Variants in FAM199X observed in about 807,000 individuals in gnomAD.
The protein encoded by FAM199X is protein FAM199X.
In FAM199X, 4 loss-of-function variants were observed where a neutral mutation model predicts 22.9. The ratio of observed to expected loss-of-function variants is 0.17; its 90% CI spans 0.09 to 0.40. The LOEUF is 0.40. Ranked by LOEUF, FAM199X falls within the 10% of genes least tolerant of loss-of-function variation. FAM199X has a pLI of 1.00. For missense variants in FAM199X, 183 were observed against 306.8 expected, an observed-to-expected ratio of 0.60 and a Z score of 3.01; for synonymous variants, 101 against 112.3, an observed-to-expected ratio of 0.90 and a Z score of 0.64.
Position 104,189,988 on chromosome X carries a change from A to G in FAM199X, c.*210A>G. 1 of 379,620 alleles carries G rather than the reference A, an allele frequency of 2.6e-6. No individual in the cohort carries two copies. Among genetic ancestry groups the G allele is most frequent in the Non-Finnish European group, 4.5e-6 (1 of 221,927 alleles). 31.3% of individuals were successfully genotyped at this position (379,620 alleles called of 1,213,427 possible). ...ATGCATACTAGTGGGCCCCGCCCCC[A>G]GACATAGTGAATCAGAAACCAACAG... On this transcript the variant is annotated 3_prime_UTR_variant, in exon 6 of 6. Transcript: ENST00000493442.
intron 2 of FAM199X, among the ~76,000 whole-genome samples, chrX:104,179,120 T>C (rs975799292): frequency 3.6e-5 from 4 of 111,720 alleles, no homozygotes; most frequent in East Asian, 2.8e-4. Flanking sequence ...ACAGAGCTAT[T>C]TGGGGTCCTT....
chrX:104,189,035 T>A (rs1441555716), intron 5 of FAM199X, among the ~76,000 whole-genome samples: 3 of 111,983 alleles, frequency 2.7e-5, no homozygotes, highest in African/African-American at 9.8e-5. Context: ...TGCTAAGGAA[T>A]TTCTCTAGAT....
intron 2 of FAM199X, among the ~76,000 whole-genome samples, chrX:104,182,238 C>T (rs782304422): frequency 7.2e-5 from 8 of 110,606 alleles, no homozygotes; most frequent in African/African-American, 2.0e-4. Context: ...CTGTCCGCCT[C>T]GGCCTCCCAG....
At chrX:104,169,329 T>C (rs561945329) in intron 1 of FAM199X, among the ~76,000 whole-genome samples, 56 of 112,403 alleles carry the variant, frequency 5.0e-4, no homozygotes, top group African/African-American at 1.8e-3. Context: ...CAAATTTTCA[T>C]TGGAAGTAGG....
rs1921982481 is a variant in FAM199X at position 104,193,215 on chromosome X, A to G, written c.*3437A>G. 1 of 111,871 alleles carries G rather than the reference A, an allele frequency of 8.9e-6. No homozygotes were observed. Among genetic ancestry groups the G allele is most frequent in the Non-Finnish European group, 1.9e-5 (1 of 52,942 alleles). 9.2% of individuals were successfully genotyped at this position (111,871 alleles called of 1,213,427 possible). ...GCAAAGCCATTAAATCGAACCAATC[A>G]ATGCTAATAGAGTATAAAAACAAAA... On this transcript the variant is annotated 3_prime_UTR_variant, in exon 6 of 6. Coordinates refer to ENST00000493442, the MANE Select transcript of FAM199X (RefSeq NM_207318.4).
chrX:104,171,004 AAT>A (rs1405044320), intron 1 of FAM199X, among the ~76,000 whole-genome samples: 2 of 111,419 alleles, frequency 1.8e-5, no homozygotes, highest in Admixed American at 9.5e-5. Flanking sequence ...CCTAAGAATG[AAT>A]ATATAGCATA....
chrX:104,175,650 T>C lies in FAM199X; in HGVS notation c.225T>C (p.Ser75=), dbSNP rs1556376252. ...GGAACCTAACTTCTTGTGGAACAAG[T>C]GTTGCCAGCTCAGAAGGCAGTGAGG... The part of the protein sequence containing the change: ...NRWNLTSCGT[S]VASSEGSEEL... Residue 75 remains serine, a synonymous_variant, in exon 2 of 6, where the codon AGT becomes AGC. Coordinates refer to ENST00000493442, the MANE Select transcript of FAM199X (RefSeq NM_207318.4). 8.3e-7 allele frequency: 1 copy of C among 1,211,057 alleles called. No homozygotes were observed. The highest frequency in any genetic ancestry group is 1.8e-5 in the South Asian group (1 of 56,784).
chrX:104,180,783 T>C (rs1247832125), intron 2 of FAM199X, among the ~76,000 whole-genome samples: 1 of 112,390 alleles, frequency 8.9e-6, no homozygotes, highest in Non-Finnish European at 1.9e-5. Flanking sequence ...TAAAAATCAT[T>C]ACTATAGTTA....
intron 1 of FAM199X, among the ~76,000 whole-genome samples, chrX:104,170,713 A>G (rs781907848): frequency 3.6e-5 from 4 of 112,033 alleles, no homozygotes; most frequent in Admixed American, 2.8e-4. Flanking sequence ...TGATGAACTC[A>G]GAAGTCCAAA....
In FAM199X at chrX:104,166,625, C is replaced by A; in HGVS notation, c.-161C>A. ...GCAGCCTCTTCGCGCGGCCCCGCACCCCGGCAAGCAGCAGCGGGCCGCGAC... is the reference window on the plus strand; with the variant it reads ...GCAGCCTCTTCGCGCGGCCCCGCACACCGGCAAGCAGCAGCGGGCCGCGAC... On this transcript the variant is annotated 5_prime_UTR_variant, in exon 1 of 6. Coordinates refer to ENST00000493442, the MANE Select transcript of FAM199X (RefSeq NM_207318.4). 4.4e-6 allele frequency: 2 copies of A among 451,559 alleles called. No individual in the cohort carries two copies. Among genetic ancestry groups the A allele is most frequent in the South Asian group, 9.1e-5 (2 of 21,942 alleles). The allele number at this position is 451,559 out of a possible 1,213,427, so 37.2% of individuals were successfully genotyped here.
upstream of FAM199X, among the ~76,000 whole-genome samples, chrX:104,163,287 A>G (rs1391584874): frequency 8.9e-6 from 1 of 112,387 alleles, no homozygotes; most frequent in Non-Finnish European, 1.9e-5. Context: ...TGCAGCCATC[A>G]GCTCTCTGGT....
intron 2 of FAM199X, among the ~76,000 whole-genome samples, chrX:104,178,600 A>G (rs782264159): frequency 9.0e-6 from 1 of 111,638 alleles, no homozygotes; most frequent in South Asian, 3.7e-4. Flanking sequence ...ATTATTTTGC[A>G]TGTAGGTATC....
the FAM199X span, among the ~76,000 whole-genome samples, chrX:104,160,090 A>G: frequency 9.0e-6 from 1 of 111,729 alleles, no homozygotes; most frequent in Non-Finnish European, 1.9e-5. Flanking sequence ...GAACCCTAAT[A>G]CTCATCATGC....
the FAM199X span, among the ~76,000 whole-genome samples, chrX:104,159,082 A>G: frequency 1.6e-4 from 18 of 112,330 alleles, no homozygotes; most frequent in Middle Eastern, 4.6e-3. Flanking sequence ...CTAGCTGTCA[A>G]ACTATTAGAA....
chrX:104,175,596 G>T (rs369931589), intron 1 of FAM199X, 27 bp from the exon 2 acceptor site: 167 of 1,142,921 alleles, frequency 1.5e-4, no homozygotes, highest in Non-Finnish European at 1.9e-4. Context: ...TAGTTCTCTT[G>T]ATTTCTTTCG....
intron 1 of FAM199X, among the ~76,000 whole-genome samples, chrX:104,170,915 G>A (rs1740296078): frequency 1.8e-5 from 2 of 111,852 alleles, no homozygotes; most frequent in African/African-American, 6.5e-5. Context: ...CTCCAGAATA[G>A]CAGCAGAAGT....
Position 104,194,550 on chromosome X carries a change from G to A in FAM199X, c.*4772G>A, listed in dbSNP as rs1230305795. On this transcript the variant is annotated 3_prime_UTR_variant, in exon 6 of 6. Transcript: ENST00000493442. ...ATTTGTGGTTAGGTTATCTAGCTGAGGCTTTTAACAATGGAGCAGATAATG... is the reference window on the plus strand; with the variant it reads ...ATTTGTGGTTAGGTTATCTAGCTGAAGCTTTTAACAATGGAGCAGATAATG... 2 of 111,808 alleles carry A rather than the reference G, an allele frequency of 1.8e-5. No homozygotes were observed. The highest frequency in any genetic ancestry group is 6.5e-5 in the African/African-American group (2 of 30,882). The allele number at this position is 111,808 out of a possible 1,213,427, so 9.2% of individuals were successfully genotyped here.
rs1212762860 is a variant in FAM199X at position 104,193,841 on chromosome X, A to C, written c.*4063A>C. 1 of 111,950 alleles carries C rather than the reference A, an allele frequency of 8.9e-6. No individual in the cohort carries two copies. Among genetic ancestry groups the C allele is most frequent in the Admixed American group, 9.5e-5 (1 of 10,554 alleles). The allele number at this position is 111,950 out of a possible 1,213,427, so 9.2% of individuals were successfully genotyped here. Reference sequence around the variant, plus strand: ...AAAATAAAATTATGCTAAGTGAATAAAAACTGAGATATTTTAAGCTAGGCA... The same window carrying C: ...AAAATAAAATTATGCTAAGTGAATACAAACTGAGATATTTTAAGCTAGGCA... On this transcript the variant is annotated 3_prime_UTR_variant, in exon 6 of 6. Transcript: ENST00000493442.
rs192837261 is a variant in FAM199X, at chrX:104,172,398, T to G, written c.198-3225T>G. On this transcript the variant is annotated intron_variant, in intron 1 of 5. Transcript: ENST00000493442. ...CGCACCACTGCACTCCAGCCTTGGTTGACAGAGCAAGACCCTGACTCAAAA... is the reference window on the plus strand; with the variant it reads ...CGCACCACTGCACTCCAGCCTTGGTGGACAGAGCAAGACCCTGACTCAAAA... Among the ~76,000 whole-genome samples, 3 of 108,096 alleles carry G rather than the reference T, an allele frequency of 2.8e-5. No individual in the cohort carries two copies. In the East Asian group the frequency reaches 8.6e-4, roughly 31 times the overall value. 93.9% of individuals were successfully genotyped at this position (108,096 alleles called of 115,157 possible). A position where few individuals can be genotyped will look rare whatever the true frequency, so the allele number is the denominator to read the frequency against.
Sources: gnomAD v4.1 joint callset for allele counts (sites outside exome capture counted in the v4.1 genomes callset) on GRCh38, gnomAD v4.1.1 for gene constraint, MANE v1.5 for transcripts, NCBI Gene and HGNC (gene_info 2026-07-23, HGNC 2026-07-21) for gene names.